TRIP12: variants seen among roughly 807,000 people sequenced by gnomAD.
The protein encoded by TRIP12 is thyroid hormone receptor interactor 12.
TRIP12 carries 25 observed loss-of-function variants against 244.2 expected under a neutral mutation model. The observed-to-expected ratio is 0.10, with a 90% confidence interval of 0.07 to 0.14. TRIP12 has a LOEUF of 0.14. Ranked by LOEUF, TRIP12 falls within the 10% of genes least tolerant of loss-of-function variation. The pLI, the probability that TRIP12 is intolerant of heterozygous loss-of-function variation, is 1.00. For missense variants in TRIP12, 1,677 were observed against 2,486.4 expected (o/e 0.67, Z 6.92); for synonymous variants, 905 against 873.1 (o/e 1.04, Z -0.64).
At chr2:229,846,882 G>A (rs2057682728) in intron 4 of TRIP12, among the ~76,000 whole-genome samples, 1 of 152,158 alleles carries the variant, frequency 6.6e-6, no homozygotes, top group African/African-American at 2.4e-5. Context: ...AATGTCCAAA[G>A]GTATTCATCT....
intron 23 of TRIP12, among the ~76,000 whole-genome samples, chr2:229,798,154 T>C (rs1387541101): frequency 6.6e-6 from 1 of 152,228 alleles, no homozygotes. Context: ...ATCTGCATTA[T>C]CCTTAACTTG....
intron 9 of TRIP12, among the ~76,000 whole-genome samples, chr2:229,815,755 AG>A (rs1288127179): frequency 1.3e-5 from 2 of 152,092 alleles, no homozygotes; most frequent in Non-Finnish European, 2.9e-5. Context: ...CTTGTGAACA[AG>A]CTTCTCTAAA....
chr2:229,814,009 A>T lies in TRIP12; in HGVS notation c.1847T>A (p.Leu616Gln). 1 of 1,581,998 alleles carries T rather than the reference A, an allele frequency of 6.3e-7. No homozygotes were observed. The highest frequency in any genetic ancestry group is 8.7e-7 in the Non-Finnish European group (1 of 1,154,846). ...LQAGGLADCL[L>Q]YLEFFSINAQ... is the part of the protein sequence containing the mutation. Reference sequence around the variant, plus strand: ...ATTTATGCTGAAGAATTCTAGGTACAGCAAGCAGTCTGCCAAACCACCCTA... The same window carrying T: ...ATTTATGCTGAAGAATTCTAGGTACTGCAAGCAGTCTGCCAAACCACCCTA... Residue 616 changes from leucine (L) to glutamine (Q), a missense_variant, in exon 13 of 42, where the codon CTG becomes CAG. Physicochemically the swap from Leu to Gln is moderately radical, Grantham distance 113. Transcript: ENST00000675903.
upstream of TRIP12, chr2:229,922,441 G>C: frequency 7.0e-7 from 1 of 1,419,618 alleles, no homozygotes; most frequent in South Asian, 1.2e-5. Context: ...TTTAAACTAG[G>C]GTTTTGGCCC....
In TRIP12 at chr2:229,832,313, C is replaced by T. The variant is rs1428421315; in HGVS notation, c.1271-1474G>A. Among the ~76,000 whole-genome samples, 3 of 152,190 alleles carry T rather than the reference C, an allele frequency of 2.0e-5. No individual in the cohort carries two copies. In the East Asian group the frequency reaches 5.8e-4, roughly 29 times the overall value. On this transcript the variant is annotated intron_variant, in intron 6 of 41. Transcript: ENST00000675903. Reference sequence around the variant, plus strand: ...ATTTACAAGTCTGTGGCCGCTTTCACGCTATAATTACAGAATTGAGTACTT... The same window carrying T: ...ATTTACAAGTCTGTGGCCGCTTTCATGCTATAATTACAGAATTGAGTACTT...
At chr2:229,864,047 A>AGAGAGAGAGAGAGAGAGAGTGAGT in intron 2 of TRIP12, among the ~76,000 whole-genome samples, 1 of 79,284 alleles carries the variant, frequency 1.3e-5, no homozygotes, top group Non-Finnish European at 2.5e-5. Flanking sequence ...AGAGAGAGAG[A>AGAGAGAGAGAGAGAGAGAGTGAGT]GTGTGTGTGT....
At chr2:229,775,896 G>A (rs966855170) in intron 37 of TRIP12, among the ~76,000 whole-genome samples, 2 of 151,892 alleles carry the variant, frequency 1.3e-5, no homozygotes, top group African/African-American at 4.8e-5. Context: ...TGTGGATTCT[G>A]TGCCACTCAT....
At chr2:229,782,069 G>C (rs1487429855) in intron 34 of TRIP12, among the ~76,000 whole-genome samples, 1 of 152,134 alleles carries the variant, frequency 6.6e-6, no homozygotes, top group South Asian at 2.1e-4. Context: ...CCTGGCAAGA[G>C]AAAAATATGC....
intron 26 of TRIP12, 139 bp from the exon 27 acceptor site, chr2:229,793,284 A>G (rs2041993806): frequency 1.2e-5 from 10 of 817,426 alleles, no homozygotes; most frequent in Non-Finnish European, 1.6e-5. Context: ...AGTTCTGTGA[A>G]TGGTAAAGCC....
intron 36 of TRIP12, 33 bp from the exon 37 acceptor site, chr2:229,777,512 C>T (rs2036639839): frequency 6.2e-7 from 1 of 1,609,190 alleles, no homozygotes. Flanking sequence ...TTTTCACTGT[C>T]ACACTGAACT....
Position 229,799,050 on chromosome 2 carries a change from C to A in TRIP12, c.3308-1G>T, listed in dbSNP as rs1458494759. 2 of 1,608,714 alleles carry A rather than the reference C, an allele frequency of 1.2e-6. No homozygotes were observed. The highest frequency in any genetic ancestry group is 1.3e-5 in the African/African-American group (1 of 74,540). On this transcript the variant is annotated splice_acceptor_variant, in intron 22 of 41. Coordinates refer to ENST00000675903, the MANE Select transcript of TRIP12 (RefSeq NM_001348323.3). LOFTEE classifies it high-confidence loss of function. Reference sequence around the variant, plus strand: ...GACTGAGTAGTGGTGGGGCTTTTAGCTATGAAAAGAAAAAAGAACTACAGT... The same window carrying A: ...GACTGAGTAGTGGTGGGGCTTTTAGATATGAAAAGAAAAAAGAACTACAGT...
intron 22 of TRIP12, 33 bp downstream of exon 22, chr2:229,799,250 T>TA: frequency 1.9e-6 from 3 of 1,608,884 alleles, no homozygotes; most frequent in Non-Finnish European, 2.6e-6. Flanking sequence ...CACCCTCCCC[T>TA]TTACCTCCCC....
At chr2:229,781,177 A>C (rs770705586) in intron 34 of TRIP12, among the ~76,000 whole-genome samples, 6 of 152,214 alleles carry the variant, frequency 3.9e-5, no homozygotes, top group East Asian at 1.9e-4. Flanking sequence ...CAGCACCCCC[A>C]CAGAGTAACC....
chr2:229,780,041 TAC>T (rs2037590334), intron 34 of TRIP12, among the ~76,000 whole-genome samples: 1 of 152,210 alleles, frequency 6.6e-6, no homozygotes, highest in South Asian at 2.1e-4. Context: ...TTAGCATTAT[TAC>T]AGTTACTCTT....
At chr2:229,785,598 A>C (rs1047036361) in intron 34 of TRIP12, among the ~76,000 whole-genome samples, 159 bp downstream of exon 34, 1 of 152,228 alleles carries the variant, frequency 6.6e-6, no homozygotes, top group East Asian at 1.9e-4. Context: ...ATTTAGTTGA[A>C]CCTTTGAAAA....
chr2:229,768,471 T>C, intron 41 of TRIP12, 145 bp downstream of exon 41: 1 of 659,302 alleles, frequency 1.5e-6, no homozygotes, highest in South Asian at 2.0e-5. Context: ...TCCCTGCTAG[T>C]GGTCTCAATG....
intron 2 of TRIP12, among the ~76,000 whole-genome samples, chr2:229,872,056 A>G (rs552869615): frequency 6.8e-6 from 1 of 147,274 alleles, no homozygotes; most frequent in Non-Finnish European, 1.5e-5. Flanking sequence ...ATAACGGAAA[A>G]TTATAGAGAC....
chr2:229,823,578 A>G (rs2050677710), intron 8 of TRIP12, among the ~76,000 whole-genome samples: 1 of 152,036 alleles, frequency 6.6e-6, no homozygotes, highest in East Asian at 1.9e-4. Flanking sequence ...CGGGAGGTTG[A>G]CGCAGAAGAA....
At chr2:229,818,741 T>C (rs978277648) in intron 8 of TRIP12, among the ~76,000 whole-genome samples, 2 of 152,178 alleles carry the variant, frequency 1.3e-5, no homozygotes, top group Non-Finnish European at 2.9e-5. Flanking sequence ...GTCTTCTTAA[T>C]TGAAAACTTG....
Sources: gnomAD v4.1 joint callset for allele counts (sites outside exome capture counted in the v4.1 genomes callset) on GRCh38, gnomAD v4.1.1 for gene constraint, MANE v1.5 for transcripts, NCBI Gene and HGNC (gene_info 2026-07-23, HGNC 2026-07-21) for gene names.